Variants in GSDMD observed in about 807,000 individuals in gnomAD.
The protein encoded by GSDMD is gasdermin-D.
Under a neutral mutation model 46.7 loss-of-function variants are expected in GSDMD, and 46 were observed. The observed-to-expected ratio is 0.99, with a 90% CI of 0.78 to 1.26. GSDMD has a LOEUF of 1.26. GSDMD is among the 50% of genes most tolerant of loss of function. GSDMD has a pLI of 0.00. For missense variants in GSDMD, 649 were observed against 638.8 expected, an observed-to-expected ratio of 1.02 and a Z score of -0.17; for synonymous variants, 307 against 283.1, an observed-to-expected ratio of 1.08 and a Z score of -0.85.
At position 143,562,074 on chromosome 8, in the gene GSDMD, G is replaced by A. The variant is rs138944954; in HGVS notation, c.939G>A (p.Leu313=). ...ACAGAGAGCTGTGCCAGCTGCTGCTGGAGGGCCTGGAGGGGGTGCTGCGGG... is the reference window on the plus strand; with the variant it reads ...ACAGAGAGCTGTGCCAGCTGCTGCTAGAGGGCCTGGAGGGGGTGCTGCGGG... ...LLDRELCQLL[L]EGLEGVLRDQ... is the part of the protein sequence containing the mutation. The change falls in exon 8 of 11, where the codon CTG becomes CTA. Residue 313 remains leucine, a synonymous_variant. Transcript: ENST00000262580. 7.8e-5 allele frequency: 125 copies of A among 1,596,038 alleles called. No homozygotes were observed. In the African/African-American group the frequency reaches 1.6e-3, roughly 21 times the overall value.
At chr8:143,557,635 C>A (rs559368705), upstream of GSDMD, among the ~76,000 whole-genome samples, 1 of 152,232 alleles carries the variant, frequency 6.6e-6, no homozygotes, top group Non-Finnish European at 1.5e-5. Flanking sequence ...CAGGCTTATT[C>A]CAGAGGGCCG....
chr8:143,559,279 C>CA, intron 1 of GSDMD, 53 bp from the exon 2 acceptor site: 15 of 585,114 alleles, frequency 2.6e-5, no homozygotes, highest in East Asian at 3.1e-5. Flanking sequence ...CCTTCTCCCA[C>CA]TCCCTCCCGC....
chr8:143,559,133 G>A (rs1823385157), intron 1 of GSDMD, 199 bp from the exon 2 acceptor site: 1 of 602,864 alleles, frequency 1.7e-6, no homozygotes, highest in Non-Finnish European at 3.0e-6. Context: ...TAGACAACAG[G>A]GAGAACACTG....
Position 143,561,978 on chromosome 8 carries a change from G to A in GSDMD, c.843G>A (p.Gly281=), listed in dbSNP as rs1228586969. The change falls in exon 8 of 11, where the codon GGG becomes GGA. Residue 281 remains glycine, a synonymous_variant. Transcript: ENST00000262580. ...NFLTDGVPAE[G]AFTEDFQGLR... is the part of the protein sequence containing the mutation. ...CTACAGATGGGGTCCCTGCGGAGGG[G>A]GCGTTCACTGAAGACTTCCAGGGCC... 1 of 1,608,446 alleles carries A rather than the reference G, an allele frequency of 6.2e-7. No individual in the cohort carries two copies. The highest frequency in any genetic ancestry group is 8.5e-7 in the Non-Finnish European group (1 of 1,178,608).
At position 143,562,245 on chromosome 8, in the gene GSDMD, C is replaced by G; in HGVS notation, c.1033C>G (p.Leu345Val). The G allele has an allele frequency of 2.4e-5, 37 of 1,562,846 alleles. No individual in the cohort carries two copies. The highest frequency in any genetic ancestry group is 3.2e-5 in the Non-Finnish European group (37 of 1,156,402). ...CCAGAGCCTTGGGCCGGTGGAGCCCCTGGACGGTCCAGCAGGTGCTGTCCT... is the reference window on the plus strand; with the variant it reads ...CCAGAGCCTTGGGCCGGTGGAGCCCGTGGACGGTCCAGCAGGTGCTGTCCT... ...QGQSLGPVEPLDGPAGAVLEC... is the reference protein window; with the variant it reads ...QGQSLGPVEPVDGPAGAVLEC... Residue 345 changes from leucine (L) to valine (V), a missense_variant, in exon 9 of 11, where the codon CTG (leucine) becomes GTG (valine). Transcript: ENST00000262580.
At chr8:143,560,864 T>C in intron 4 of GSDMD, 93 bp downstream of exon 4, 1 of 1,429,156 alleles carries the variant, frequency 7.0e-7, no homozygotes, top group Non-Finnish European at 9.3e-7. Flanking sequence ...CCAAGGCCCC[T>C]CGGAGCAGCT....
chr8:143,559,729 G>A, intron 2 of GSDMD, 48 bp from the exon 3 acceptor site: 1 of 1,522,730 alleles, frequency 6.6e-7, no homozygotes, highest in South Asian at 1.3e-5. Context: ...GTGGGGGCGG[G>A]GGAGAGGCGG....
upstream of GSDMD, among the ~76,000 whole-genome samples, chr8:143,557,213 C>CT (rs1823314334): frequency 2.0e-5 from 3 of 152,290 alleles, no homozygotes; most frequent in Admixed American, 6.5e-5. Context: ...GTTCTACGGC[C>CT]TGGATTCCAG....
At chr8:143,557,648 C>T (rs918455923), upstream of GSDMD, among the ~76,000 whole-genome samples, 26 of 152,258 alleles carry the variant, frequency 1.7e-4, no homozygotes, top group Admixed American at 3.3e-4. Flanking sequence ...GAGGGCCGCA[C>T]GGGTTGACAT....
chr8:143,560,929 C>T (rs781549389), intron 4 of GSDMD, 73 bp from the exon 5 acceptor site: 36 of 1,501,018 alleles, frequency 2.4e-5, no homozygotes, highest in Non-Finnish European at 2.8e-5. Context: ...GGCCTGCCCC[C>T]GGCACCCGGC....
At chr8:143,554,910 G>C (rs1363653100), upstream of GSDMD, 1 of 152,288 alleles carries the variant, frequency 6.6e-6, no homozygotes, top group East Asian at 1.9e-4. Context: ...CTAGAAGCCC[G>C]CCAGGCCGAG....
At chr8:143,561,533 C>T (rs1160600857) in intron 6 of GSDMD, 110 bp downstream of exon 6, 2 of 1,174,092 alleles carry the variant, frequency 1.7e-6, no homozygotes, top group Admixed American at 4.3e-5. Flanking sequence ...CGGGCAGCCC[C>T]CTGAGGCGGT....
Position 143,559,888 on chromosome 8 carries a change from T to C in GSDMD, c.329T>C (p.Val110Ala), listed in dbSNP as rs760963244. The change falls in exon 3 of 11, where the codon GTG (valine) becomes GCG (alanine). Residue 110 changes from valine (V) to alanine (A), a missense_variant. Physicochemically the swap from Val to Ala is moderately conservative, Grantham distance 64. Transcript: ENST00000262580. ...GCAAAGATCGCAGGCGGGGCCGCGG[T>C]GTCTGACAGCTCCAGCACCTCAATG... ...GQAKIAGGAA[V>A]SDSSSTSMNV... 2.9e-5 allele frequency: 46 copies of C among 1,612,586 alleles called. No homozygotes were observed. In the South Asian group the frequency reaches 4.9e-4, roughly 17 times the overall value.
intron 3 of GSDMD, 62 bp downstream of exon 3, chr8:143,560,031 T>C (rs763763695): frequency 1.0e-4 from 137 of 1,329,214 alleles, no homozygotes; most frequent in Non-Finnish European, 1.3e-4. Context: ...CCTGCTTTTA[T>C]TTATTTATTT....
chr8:143,562,612 C>T (rs1431705971), intron 10 of GSDMD, 50 bp from the exon 11 acceptor site: 1 of 1,597,528 alleles, frequency 6.3e-7, no homozygotes. Context: ...TGGGCAGGCA[C>T]AAGATGCCCA....
At chr8:143,554,263 A>G (rs1017412374), upstream of GSDMD, among the ~76,000 whole-genome samples, 8 of 152,230 alleles carry the variant, frequency 5.3e-5, no homozygotes, top group African/African-American at 1.9e-4. Flanking sequence ...GCCCACTTAC[A>G]TATAAATGCA....
intron 1 of GSDMD, 52 bp from the exon 2 acceptor site, chr8:143,559,280 T>TGGGGCCCC: frequency 1.7e-6 from 1 of 579,430 alleles, no homozygotes; most frequent in Non-Finnish European, 3.2e-6. Flanking sequence ...CTTCTCCCAC[T>TGGGGCCCC]CCCTCCCGCC....
In GSDMD at chr8:143,562,949, G is replaced by A. The variant is rs1294056199; in HGVS notation, c.*45G>A. 7 of 1,608,282 alleles carry A rather than the reference G, an allele frequency of 4.4e-6. No individual in the cohort carries two copies. In the South Asian group the frequency reaches 6.6e-5, roughly 15 times the overall value. The stretch of plus-strand genomic sequence containing the variant: ...TGGCAGCTCTCCAGCAGGGCAGAGT[G>A]TTTGCCCACCAGCTGCTAGCCCTAG... On this transcript the variant is annotated 3_prime_UTR_variant, in exon 11 of 11. Transcript: ENST00000262580.
Position 143,562,916 on chromosome 8 carries a change from G to T in GSDMD, c.*12G>T. The T allele has an allele frequency of 6.2e-7, 1 of 1,611,532 alleles. No homozygotes were observed. The highest frequency in any genetic ancestry group is 1.1e-5 in the South Asian group (1 of 90,988). On this transcript the variant is annotated 3_prime_UTR_variant, in exon 11 of 11. Coordinates refer to ENST00000262580, the MANE Select transcript of GSDMD (RefSeq NM_024736.7). ...AGGAGCCCCACTAGCCTGTGCCCGG[G>T]CATGGCCTGGCAGCTCTCCAGCAGG...
Sources: allele counts gnomAD v4.1 joint callset (sites outside exome capture counted in the v4.1 genomes callset), GRCh38; gene constraint gnomAD v4.1.1; transcripts MANE v1.5; gene names NCBI Gene and HGNC (gene_info 2026-07-23, HGNC 2026-07-21).